Variants in IFFO1 observed in about 807,000 individuals in gnomAD.
The protein encoded by IFFO1 is intermediate filament family orphan 1.
IFFO1 carries 42 observed loss-of-function variants against 59.6 expected under a neutral mutation model. The ratio of observed to expected loss-of-function variants is 0.70; its 90% CI spans 0.55 to 0.91. IFFO1 has a LOEUF of 0.91. Ranked by LOEUF, IFFO1 falls within the 40% of genes least tolerant of loss-of-function variation. IFFO1 has a pLI of 0.00. For synonymous variants in IFFO1, 336 were observed against 342.8 expected (o/e 0.98, Z 0.22); for missense variants, 711 against 793.2 (o/e 0.90, Z 1.24).
chr12:6,548,979 A>G lies in IFFO1; in HGVS notation c.1081-130T>C, dbSNP rs1258459062. 3.9e-6 allele frequency: 3 copies of G among 770,398 alleles called. No homozygotes were observed. Among genetic ancestry groups the G allele is most frequent in the South Asian group, 1.8e-5 (1 of 56,110 alleles). The allele number at this position is 770,398 out of a possible 1,614,324, so 47.7% of individuals were successfully genotyped here. On this transcript the variant is annotated intron_variant, in intron 5 of 9. Coordinates refer to ENST00000619571, the MANE Select transcript of IFFO1 (RefSeq NM_001193457.2). The surrounding 1 kb of genome is among the most constrained non-coding windows in gnomAD (Gnocchi z 6.1). ...AGACAGAGAGAAAAGTCACAGTTACAATGACAGGAACAGAAACACGGACAG... is the reference window on the plus strand; with the variant it reads ...AGACAGAGAGAAAAGTCACAGTTACGATGACAGGAACAGAAACACGGACAG...
chr12:6,550,593 G>A, intron 3 of IFFO1, 102 bp downstream of exon 3: 1 of 780,048 alleles, frequency 1.3e-6, no homozygotes, highest in East Asian at 2.7e-5. Flanking sequence ...GAGAAGGGGA[G>A]GAGCCGTGGA....
In IFFO1 at chr12:6,547,227, T is replaced by C. The variant is rs957080158; in HGVS notation, c.1479+838A>G. Reference sequence around the variant, plus strand: ...AAGTTTGAGGGCAGCCTGGAAAACATAGTGACACCCTGTTCTCTGTAAAAA... The same window carrying C: ...AAGTTTGAGGGCAGCCTGGAAAACACAGTGACACCCTGTTCTCTGTAAAAA... On this transcript the variant is annotated intron_variant, in intron 8 of 9. Transcript: ENST00000619571. Among the ~76,000 whole-genome samples, 8 of 151,898 alleles carry C rather than the reference T, an allele frequency of 5.3e-5. No individual in the cohort carries two copies. The East Asian group carries it at 5.8e-4, about 11-fold the overall frequency.
Position 6,549,644 on chromosome 12 carries a change from G to T in IFFO1, c.1071+112C>A. The T allele has an allele frequency of 6.8e-7, 1 of 1,460,060 alleles. No homozygotes were observed. The highest frequency in any genetic ancestry group is 9.4e-7 in the Non-Finnish European group (1 of 1,062,716). 90.4% of individuals were successfully genotyped at this position (1,460,060 alleles called of 1,614,324 possible). A position where few individuals can be genotyped will look rare whatever the true frequency, so the allele number is the denominator to read the frequency against. Reference sequence around the variant, plus strand: ...GTCTAGCCCCGTGAGGGCCCCAGTTGCCAGGTAAGGCTCCCCAAGCAGGAG... The same window carrying T: ...GTCTAGCCCCGTGAGGGCCCCAGTTTCCAGGTAAGGCTCCCCAAGCAGGAG... On this transcript the variant is annotated intron_variant, in intron 4 of 9. Coordinates refer to ENST00000619571, the MANE Select transcript of IFFO1 (RefSeq NM_001193457.2). This position sits in a 1 kb window ranked among gnomAD's most constrained non-coding sequence, Gnocchi z 5.0.
chr12:6,548,634 G>GTCGGTGCTGC lies in IFFO1; in HGVS notation c.1262+24_1262+33dup. Reference sequence around the variant, plus strand: ...CTCCGGCCTCCTGGGCTGCTGTGGCGTCGGTGCTGCGGGAGCACGGCCTGC... The same window carrying GTCGGTGCTGC: ...CTCCGGCCTCCTGGGCTGCTGTGGCGTCGGTGCTGCTCGGTGCTGCGGGAGCACGGCCTGC... On this transcript the variant is annotated intron_variant, in intron 6 of 9. Transcript: ENST00000619571. This position sits in a 1 kb window ranked among gnomAD's most constrained non-coding sequence, Gnocchi z 6.1. 1 of 1,613,862 alleles carries GTCGGTGCTGC rather than the reference G, an allele frequency of 6.2e-7. No individual in the cohort carries two copies. Among genetic ancestry groups the GTCGGTGCTGC allele is most frequent in the Non-Finnish European group, 8.5e-7 (1 of 1,179,848 alleles).
rs367842954 is a variant in IFFO1 at position 6,548,872 on chromosome 12, A to G, written c.1081-23T>C. On this transcript the variant is annotated intron_variant, in intron 5 of 9. Transcript: ENST00000619571. The surrounding 1 kb of genome is among the most constrained non-coding windows in gnomAD (Gnocchi z 6.1). ...AGACTACAGAGACGAGGCCGGGTGC[A>G]TGAGGAGAAAGGGCGGGAGCGGGAG... The G allele has an allele frequency of 1.1e-4, 182 of 1,588,444 alleles. No homozygotes were observed. In the African/African-American group the frequency reaches 2.0e-3, roughly 18 times the overall value.
In IFFO1 at chr12:6,541,418, C is replaced by A; in HGVS notation, c.1610+94G>T. The stretch of plus-strand genomic sequence containing the variant: ...AGGGCAGCCCCACAGCAAGATGTGA[C>A]CCAGTCATTGCCTGAGGGTCTCTGG... On this transcript the variant is annotated intron_variant, in intron 9 of 9. Transcript: ENST00000619571. The surrounding 1 kb of genome is among the most constrained non-coding windows in gnomAD (Gnocchi z 4.8). The A allele has an allele frequency of 1.3e-6, 2 of 1,505,152 alleles. No homozygotes were observed. The highest frequency in any genetic ancestry group is 4.5e-5 in the East Asian group (2 of 44,186). 93.2% of individuals were successfully genotyped at this position (1,505,152 alleles called of 1,614,324 possible).
Position 6,549,891 on chromosome 12 carries a change from C to G in IFFO1, c.936G>C (p.Leu312=), listed in dbSNP as rs1592218030. ...CCTGGATCTTGGTGTCCAGCTCCGA[C>G]AGGTTCTGTCCAGGGAGCCCAGGGA... is the stretch of plus-strand genomic sequence containing the variant. The part of the protein sequence containing the change: ...VVFKGLMSNN[L]SELDTKIQEK... The change falls in exon 4 of 10, where the codon CTG becomes CTC. Residue 312 remains leucine, a synonymous_variant. Coordinates refer to ENST00000619571, the MANE Select transcript of IFFO1 (RefSeq NM_001193457.2). The surrounding 1 kb of genome is among the most constrained non-coding windows in gnomAD (Gnocchi z 5.0). The G allele has an allele frequency of 6.2e-7, 1 of 1,613,484 alleles. No homozygotes were observed. The highest frequency in any genetic ancestry group is 1.3e-5 in the African/African-American group (1 of 74,940).
Position 6,555,353 on chromosome 12 carries a change from C to A in IFFO1, c.677G>T (p.Gly226Val). The A allele has an allele frequency of 1.9e-6, 3 of 1,614,210 alleles. No homozygotes were observed. The highest frequency in any genetic ancestry group is 2.5e-6 in the Non-Finnish European group (3 of 1,180,022). The change falls in exon 1 of 10, where the codon GGG (glycine) becomes GTG (valine). Residue 226 changes from glycine (G) to valine (V), a missense_variant. Gly to Val is a moderately radical substitution (Grantham distance 109). Transcript: ENST00000619571. The surrounding 1 kb of genome is among the most constrained non-coding windows in gnomAD (Gnocchi z 8.6). The stretch of plus-strand genomic sequence containing the variant: ...GATGGTGTCGATCTGGACGCCCACC[C>A]CATCCGGGTGCACCCACGACAAGCC... The part of the protein sequence containing the change: ...GPGLSWVHPD[G>V]VGVQIDTITP...
At position 6,548,372 on chromosome 12, in the gene IFFO1, T is replaced by G. The variant is rs2286724; in HGVS notation, c.1383+53A>C. The G allele has an allele frequency of 0.3, 464,291 of 1,566,882 alleles. 73,259 individuals are homozygous for G. The highest frequency in any genetic ancestry group is 0.54 in the African/African-American group (39,569 of 73,614). ...CAAGGAGAGGAGCGGGGGAGTGGGC[T>G]TCAGGCTGGAGAGGCAGAGCCAGAG... On this transcript the variant is annotated intron_variant, in intron 7 of 9. Transcript: ENST00000619571. This position sits in a 1 kb window ranked among gnomAD's most constrained non-coding sequence, Gnocchi z 6.1.
At chr12:6,551,961 T>A (rs1345226097) in intron 1 of IFFO1, 2 of 173,182 alleles carry the variant, frequency 1.2e-5, no homozygotes, top group African/African-American at 2.4e-5. Flanking sequence ...GGCAACGTGC[T>A]GCTTAGGACC....
chr12:6,555,411 G>A lies in IFFO1; in HGVS notation c.619C>T (p.Pro207Ser), dbSNP rs1443328117. 1 of 1,614,076 alleles carries A rather than the reference G, an allele frequency of 6.2e-7. No individual in the cohort carries two copies. The highest frequency in any genetic ancestry group is 8.5e-7 in the Non-Finnish European group (1 of 1,179,980). ...WSFSHARRLG[P>S]GLEPTLVQGP... ...TGCACCAGAGTGGGCTCCAGTCCCGGCCCGAGCCGGCGGGCGTGCGAGAAC... is the reference window on the plus strand; with the variant it reads ...TGCACCAGAGTGGGCTCCAGTCCCGACCCGAGCCGGCGGGCGTGCGAGAAC... Residue 207 changes from proline to serine, a missense_variant, in exon 1 of 10, where the codon CCG (proline) becomes TCG (serine). Physicochemically the swap from Pro to Ser is moderately conservative, Grantham distance 74. Around this residue, in one of 3 missense-constraint regions of IFFO1, gnomAD observed 579 missense variants for 650.3 expected, o/e 0.89. Transcript: ENST00000619571. This position sits in a 1 kb window ranked among gnomAD's most constrained non-coding sequence, Gnocchi z 8.6.
chr12:6,548,196 G>A lies in IFFO1; in HGVS notation c.1384-36C>T, dbSNP rs773287755. ...AAGGGAAGCGGGGGAGGCCAGCCAA[G>A]GAGGGATGGGATGGGACGCATTCCA... is the stretch of plus-strand genomic sequence containing the variant. On this transcript the variant is annotated intron_variant, in intron 7 of 9. Transcript: ENST00000619571. The surrounding 1 kb of genome is among the most constrained non-coding windows in gnomAD (Gnocchi z 6.1). 1.3e-6 allele frequency: 2 copies of A among 1,556,324 alleles called. No homozygotes were observed. The highest frequency in any genetic ancestry group is 1.4e-5 in the African/African-American group (1 of 73,804).
Position 6,540,056 on chromosome 12 carries a change from A to T in IFFO1, c.*427T>A. ...GAGGCCATGCGTAGCCTCCAGCTGC[A>T]TTCTATTCCACTCCAGTGCCTGGGC... On this transcript the variant is annotated 3_prime_UTR_variant, in exon 10 of 10. Coordinates refer to ENST00000619571, the MANE Select transcript of IFFO1 (RefSeq NM_001193457.2). 1 of 238,268 alleles carries T rather than the reference A, an allele frequency of 4.2e-6. No individual in the cohort carries two copies. The highest frequency in any genetic ancestry group is 4.6e-5 in the South Asian group (1 of 21,694). The allele number at this position is 238,268 out of a possible 1,614,324, so 14.8% of individuals were successfully genotyped here.
Position 6,548,999 on chromosome 12 carries a change from G to T in IFFO1, c.1081-150C>A. The T allele has an allele frequency of 1.5e-6, 1 of 681,080 alleles. No individual in the cohort carries two copies. The highest frequency in any genetic ancestry group is 2.5e-6 in the Non-Finnish European group (1 of 405,014). 42.2% of individuals were successfully genotyped at this position (681,080 alleles called of 1,614,324 possible). A position where few individuals can be genotyped will look rare whatever the true frequency, so the allele number is the denominator to read the frequency against. The stretch of plus-strand genomic sequence containing the variant: ...GTTACAATGACAGGAACAGAAACAC[G>T]GACAGTCACCAAGGGCCAGACACAC... On this transcript the variant is annotated intron_variant, in intron 5 of 9. Transcript: ENST00000619571. This position sits in a 1 kb window ranked among gnomAD's most constrained non-coding sequence, Gnocchi z 6.1.
At chr12:6,551,338 C>A (rs1947223748) in intron 1 of IFFO1, 2 of 1,030,730 alleles carry the variant, frequency 1.9e-6, no homozygotes, top group South Asian at 2.8e-5. Context: ...GTCCGGCTGG[C>A]CTCATTGCCC....
At position 6,549,999 on chromosome 12, in the gene IFFO1, T is replaced by G; in HGVS notation, c.931-103A>C. On this transcript the variant is annotated intron_variant, in intron 3 of 9. Transcript: ENST00000619571. This position sits in a 1 kb window ranked among gnomAD's most constrained non-coding sequence, Gnocchi z 5.0. ...CATCCTTCCCACCACATTGCACCGG[T>G]GCCTCTTCTGTGGAGTCTCCCTGAG... 1 of 1,256,852 alleles carries G rather than the reference T, an allele frequency of 8.0e-7. No homozygotes were observed. Among genetic ancestry groups the G allele is most frequent in the Non-Finnish European group, 1.1e-6 (1 of 910,374 alleles). The allele number at this position is 1,256,852 out of a possible 1,614,324, so 77.9% of individuals were successfully genotyped here.
rs530715454 is a variant in IFFO1, at chr12:6,548,920, G to C, written c.1081-71C>G. 1.5e-6 allele frequency: 2 copies of C among 1,334,448 alleles called. No homozygotes were observed. The highest frequency in any genetic ancestry group is 2.9e-5 in the African/African-American group (2 of 68,842). 82.7% of individuals were successfully genotyped at this position (1,334,448 alleles called of 1,614,324 possible). On this transcript the variant is annotated intron_variant, in intron 5 of 9. Transcript: ENST00000619571. The surrounding 1 kb of genome is among the most constrained non-coding windows in gnomAD (Gnocchi z 6.1). ...GAGGCCGGGCAGAGAGGGTGGGAATGGGGGAGAAGCATGAACCAGTAGGAA... is the reference window on the plus strand; with the variant it reads ...GAGGCCGGGCAGAGAGGGTGGGAATCGGGGAGAAGCATGAACCAGTAGGAA...
At chr12:6,547,342 G>C (rs1158648483) in intron 8 of IFFO1, among the ~76,000 whole-genome samples, 1 of 151,996 alleles carries the variant, frequency 6.6e-6, no homozygotes, top group East Asian at 1.9e-4. Flanking sequence ...GGATCCAGAA[G>C]ATCACGGCTG....
At chr12:6,551,573 A>C in intron 1 of IFFO1, 1 of 914,972 alleles carries the variant, frequency 1.1e-6, no homozygotes, top group South Asian at 1.4e-5. Context: ...GTCCTTCCCC[A>C]CTAGCTCCAG....
Sources: gnomAD v4.1 joint callset for allele counts (sites outside exome capture counted in the v4.1 genomes callset) on GRCh38, gnomAD v4.1.1 for gene constraint, gnomAD v4.1.1 regional missense constraint, Gnocchi (gnomAD v3.1) non-coding constraint, MANE v1.5 for transcripts, NCBI Gene and HGNC (gene_info 2026-07-23, HGNC 2026-07-21) for gene names.